The following PCDHGB6 variants were observed in gnomAD, a reference collection of about 807,000 sequenced individuals.
PCDHGB6 encodes the protein protocadherin gamma-B6.
Under a neutral mutation model 59.1 loss-of-function variants are expected in PCDHGB6, and 51 were observed. The ratio of observed to expected loss-of-function variants is 0.86; its 90% CI spans 0.69 to 1.09. The LOEUF is 1.09. PCDHGB6 is among the 50% of genes least tolerant of loss of function. The pLI is 0.00. For missense variants in PCDHGB6, 1,148 were observed against 1,205.1 expected (o/e 0.95, Z 0.70); for synonymous variants, 466 against 495.1 (o/e 0.94, Z 0.78).
At position 141,491,381 on chromosome 5, in the gene PCDHGB6, C is replaced by CT. The variant is rs1554177905; in HGVS notation, c.2419-3426_2419-3425insT. The CT allele has an allele frequency of 2.8e-5, 45 of 1,614,068 alleles. No individual in the cohort carries two copies. Among genetic ancestry groups the CT allele is most frequent in the Non-Finnish European group, 3.5e-5 (41 of 1,179,950 alleles). On this transcript the variant is annotated intron_variant, in intron 1 of 3. Coordinates refer to ENST00000520790, the MANE Select transcript of PCDHGB6 (RefSeq NM_018926.3). This position sits in a 1 kb window ranked among gnomAD's most constrained non-coding sequence, Gnocchi z 6.9. ...CTAGTCACCTTCACCTTTCTGTCAG[C>CT]GAAGTGCCTTCAGGGAAACGCAGAC...
Position 141,489,088 on chromosome 5 carries a change from G to GCCA in PCDHGB6, c.2419-5719_2419-5718insCCA. ...CCCCTGCCCACCCCCGCCACTCGGTGACTAAGAACTGCTGCAAGCAGGCAA... is the reference window on the plus strand; with the variant it reads ...CCCCTGCCCACCCCCGCCACTCGGTGCCAACTAAGAACTGCTGCAAGCAGGCAA... On this transcript the variant is annotated intron_variant, in intron 1 of 3. Coordinates refer to ENST00000520790, the MANE Select transcript of PCDHGB6 (RefSeq NM_018926.3). This position sits in a 1 kb window ranked among gnomAD's most constrained non-coding sequence, Gnocchi z 4.5. The GCCA allele has an allele frequency of 2.9e-6, 1 of 347,238 alleles. No individual in the cohort carries two copies. 21.5% of individuals were successfully genotyped at this position (347,238 alleles called of 1,614,324 possible). A position where few individuals can be genotyped will look rare whatever the true frequency, so the allele number is the denominator to read the frequency against.
At position 141,485,396 on chromosome 5, in the gene PCDHGB6, T is replaced by C. The variant is rs1466959644; in HGVS notation, c.2419-9411T>C. 2.5e-6 allele frequency: 4 copies of C among 1,614,042 alleles called. No homozygotes were observed. Among genetic ancestry groups the C allele is most frequent in the Non-Finnish European group, 3.4e-6 (4 of 1,179,960 alleles). On this transcript the variant is annotated intron_variant, in intron 1 of 3. Coordinates refer to ENST00000520790, the MANE Select transcript of PCDHGB6 (RefSeq NM_018926.3). The surrounding 1 kb of genome is among the most constrained non-coding windows in gnomAD (Gnocchi z 5.7). ...CGCTGGAGAGGTGAACCAAAGACAC[T>C]TCCGTGTGGATTTGGACAGCGGAGC...
intron 1 of PCDHGB6, chr5:141,410,860 T>TTTTTTTTTTTTTTTTTTG: frequency 2.3e-6 from 1 of 442,030 alleles, no homozygotes; most frequent in Non-Finnish European, 3.7e-6. Flanking sequence ...TTTTTTTTTT[T>TTTTTTTTTTTTTTTTTTG]TTTTTTTTTT....
intron 1 of PCDHGB6, among the ~76,000 whole-genome samples, chr5:141,484,723 G>T (rs930331672): frequency 1.3e-5 from 2 of 151,930 alleles, no homozygotes; most frequent in Non-Finnish European, 2.9e-5. Flanking sequence ...AAGGGGCGGG[G>T]TCAGTCGGTG....
At chr5:141,443,538 G>A (rs768723399) in intron 1 of PCDHGB6, among the ~76,000 whole-genome samples, 2 of 152,118 alleles carry the variant, frequency 1.3e-5, no homozygotes, top group African/African-American at 4.8e-5. Flanking sequence ...TTTAAAGCTT[G>A]GGAAATTGTT....
chr5:141,451,205 C>G (rs1023049434), intron 1 of PCDHGB6, among the ~76,000 whole-genome samples: 2 of 152,142 alleles, frequency 1.3e-5, no homozygotes, highest in African/African-American at 4.8e-5. Flanking sequence ...TATCCCAAAA[C>G]TTAGTGGCTT....
rs200715621 is a variant in PCDHGB6 at position 141,432,628 on chromosome 5, G to A, written c.2418+22008G>A. 3.2e-4 allele frequency: 515 copies of A among 1,611,902 alleles called. No individual in the cohort carries two copies. Among genetic ancestry groups the A allele is most frequent in the Non-Finnish European group, 4.2e-4 (497 of 1,179,404 alleles). On this transcript the variant is annotated intron_variant, in intron 1 of 3. Coordinates refer to ENST00000520790, the MANE Select transcript of PCDHGB6 (RefSeq NM_018926.3). The surrounding 1 kb of genome is among the most constrained non-coding windows in gnomAD (Gnocchi z 6.0). ...GACTCTTCTCGGTGGGTCTGCACAC[G>A]GGCGAGGTGCGCACGGCGCGAGCCC...
chr5:141,428,387 G>A, intron 1 of PCDHGB6: 1 of 505,948 alleles, frequency 2.0e-6, no homozygotes, highest in South Asian at 2.0e-5. Context: ...TGCTCTTCCA[G>A]CCCCTCTGCC....
intron 1 of PCDHGB6, chr5:141,416,744 A>G (rs1480936949): frequency 2.0e-5 from 3 of 152,210 alleles, no homozygotes; most frequent in Non-Finnish European, 4.4e-5. Context: ...GAAAATAGTG[A>G]CGTATTAGGT....
rs752604165 is a variant in PCDHGB6, at chr5:141,494,771, G to A, written c.2419-36G>A. On this transcript the variant is annotated intron_variant, in intron 1 of 3. Coordinates refer to ENST00000520790, the MANE Select transcript of PCDHGB6 (RefSeq NM_018926.3). ...CTCGGGTGACATTCTAACTTCTCAC[G>A]GGTACTCAGCCCCTTTCCCTCTGTT... 74 of 1,613,730 alleles carry A rather than the reference G, an allele frequency of 4.6e-5. No homozygotes were observed. The East Asian group carries it at 1.6e-3, about 36-fold the overall frequency.
intron 1 of PCDHGB6, among the ~76,000 whole-genome samples, chr5:141,468,273 C>T (rs894110332): frequency 1.4e-5 from 2 of 144,550 alleles, no homozygotes; most frequent in Non-Finnish European, 3.0e-5. Flanking sequence ...TGTGGTGAGC[C>T]GAGACCACGC....
At position 141,486,460 on chromosome 5, in the gene PCDHGB6, T is replaced by A. The variant is rs1218788640; in HGVS notation, c.2419-8347T>A. 6.2e-7 allele frequency: 1 copy of A among 1,614,146 alleles called. No individual in the cohort carries two copies. Among genetic ancestry groups the A allele is most frequent in the South Asian group, 1.1e-5 (1 of 91,082 alleles). On this transcript the variant is annotated intron_variant, in intron 1 of 3. Coordinates refer to ENST00000520790, the MANE Select transcript of PCDHGB6 (RefSeq NM_018926.3). The surrounding 1 kb of genome is among the most constrained non-coding windows in gnomAD (Gnocchi z 5.0). Reference sequence around the variant, plus strand: ...ATGACATCATGGTCACTGCTTCTGATGCTGGGAACCCTCCTCTCAGTACCC... The same window carrying A: ...ATGACATCATGGTCACTGCTTCTGAAGCTGGGAACCCTCCTCTCAGTACCC...
intron 3 of PCDHGB6, chr5:141,507,089 C>T (rs564539147): frequency 2.0e-5 from 3 of 152,298 alleles, no homozygotes; most frequent in Admixed American, 1.3e-4. Context: ...TAAGTTTATG[C>T]TCTTTCTACT....
rs780436102 is a variant in PCDHGB6 at position 141,431,846 on chromosome 5, G to T, written c.2418+21226G>T. On this transcript the variant is annotated intron_variant, in intron 1 of 3. Coordinates refer to ENST00000520790, the MANE Select transcript of PCDHGB6 (RefSeq NM_018926.3). The surrounding 1 kb of genome is among the most constrained non-coding windows in gnomAD (Gnocchi z 4.8). ...CTCGGTTCCCGAAAACTCTCCCAGA[G>T]GGACATTAATTGCCCTTTTAAATGT... 4 of 1,614,274 alleles carry T rather than the reference G, an allele frequency of 2.5e-6. No homozygotes were observed. The South Asian group carries it at 4.4e-5, about 18-fold the overall frequency.
At chr5:141,413,524 A>G (rs772774054) in intron 1 of PCDHGB6, 7 of 1,613,974 alleles carry the variant, frequency 4.3e-6, no homozygotes, top group Non-Finnish European at 5.9e-6. Flanking sequence ...TGTGGAAGAC[A>G]GGGTGAAACT....
chr5:141,424,750 A>T (rs2096838482), intron 1 of PCDHGB6: 1 of 152,114 alleles, frequency 6.6e-6, no homozygotes, highest in Admixed American at 6.5e-5. Context: ...CTTTCTTTAT[A>T]AGGTCATTCT....
intron 1 of PCDHGB6, chr5:141,424,567 A>T (rs1034112526): frequency 3.3e-5 from 5 of 152,176 alleles, no homozygotes; most frequent in African/African-American, 7.2e-5. Flanking sequence ...CTTCTCAAAA[A>T]CCTATTTTCA....
At chr5:141,505,261 T>C in intron 2 of PCDHGB6, 132 bp from the exon 3 acceptor site, 1 of 1,505,282 alleles carries the variant, frequency 6.6e-7, no homozygotes. Context: ...GCCTCCTACC[T>C]TGCTGAGAGA....
rs760575047 is a variant in PCDHGB6 at position 141,493,887 on chromosome 5, G to A, written c.2419-920G>A. Among the ~76,000 whole-genome samples the A allele has an allele frequency of 1.3e-5, 2 of 152,184 alleles. No individual in the cohort carries two copies. The highest frequency in any genetic ancestry group is 2.4e-5 in the African/African-American group (1 of 41,448). On this transcript the variant is annotated intron_variant, in intron 1 of 3. Coordinates refer to ENST00000520790, the MANE Select transcript of PCDHGB6 (RefSeq NM_018926.3). The surrounding 1 kb of genome is among the most constrained non-coding windows in gnomAD (Gnocchi z 4.3). Reference sequence around the variant, plus strand: ...AGAACCAGTGAGGAGGTGGCTCTAGGAGTGCTCCATGAGAGTGTGTGATGG... The same window carrying A: ...AGAACCAGTGAGGAGGTGGCTCTAGAAGTGCTCCATGAGAGTGTGTGATGG...
Sources: allele counts gnomAD v4.1 joint callset (sites outside exome capture counted in the v4.1 genomes callset), GRCh38; gene constraint gnomAD v4.1.1; non-coding constraint Gnocchi (gnomAD v3.1); transcripts MANE v1.5; gene names NCBI Gene and HGNC (gene_info 2026-07-23, HGNC 2026-07-21).